The following MYBBP1A variants were observed in gnomAD, a reference collection of about 807,000 sequenced individuals.
The protein encoded by MYBBP1A is MYB binding protein 1a, also known as myb-binding protein 1A.
A neutral mutation model predicts 136.3 loss-of-function variants in MYBBP1A; 147 were observed. That is an observed-to-expected ratio of 1.08 (90% CI 0.94 to 1.24). MYBBP1A has a LOEUF of 1.24. Ranked by LOEUF, MYBBP1A falls within the 50% of genes most tolerant of loss-of-function variation. The probability of loss-of-function intolerance (pLI) is 0.00; values close to 1 mark genes in which losing one functional copy is unlikely to be tolerated. For synonymous variants in MYBBP1A, 947 were observed against 735.8 expected, an observed-to-expected ratio of 1.29 and a Z score of -4.65; for missense variants, 2,060 against 1,727.4, an observed-to-expected ratio of 1.19 and a Z score of -3.41.
intron 18 of MYBBP1A, 49 bp downstream of exon 18, chr17:4,544,702 G>A (rs1567606891): frequency 2.0e-6 from 3 of 1,504,188 alleles, no homozygotes; most frequent in African/African-American, 2.8e-5. Flanking sequence ...GGAGGCGGGG[G>A]TGGGCGCACA....
In MYBBP1A at chr17:4,539,545, A is replaced by G. The variant is rs757945492; in HGVS notation, c.3857T>C (p.Val1286Ala). 14 of 1,613,000 alleles carry G rather than the reference A, an allele frequency of 8.7e-6. No individual in the cohort carries two copies. Among genetic ancestry groups the G allele is most frequent in the Non-Finnish European group, 1.2e-5 (14 of 1,179,798 alleles). The change falls in exon 26 of 26, where the codon GTC (valine) becomes GCC (alanine). Residue 1286 changes from valine (V) to alanine (A), a missense_variant. Transcript: ENST00000254718. ...QHQKALPKKG[V>A]LGKSPLSALA... ...CGCGGACAGTGGTGATTTGCCCAAG[A>G]CCCCCTTTTTGGGAAGAGCCTTCTG...
rs771370036 is a variant in MYBBP1A at position 4,543,052 on chromosome 17, G to C, written c.2753C>G (p.Pro918Arg). ...GGCGTTGAAGTGGTAGAGGGCGGTGGGGGAGTCGGGCTGGCGGCCAGCCTG... is the reference window on the plus strand; with the variant it reads ...GGCGTTGAAGTGGTAGAGGGCGGTGCGGGAGTCGGGCTGGCGGCCAGCCTG... The part of the protein sequence containing the change: ...VQQAGRQPDS[P>R]TALYHFNASL... Residue 918 changes from proline (P) to arginine (R), a missense_variant, in exon 20 of 26, where the codon CCC becomes CGC. Transcript: ENST00000254718. 3 of 1,613,508 alleles carry C rather than the reference G, an allele frequency of 1.9e-6. No individual in the cohort carries two copies. The South Asian group carries it at 3.3e-5, about 18-fold the overall frequency.
rs749825110 is a variant in MYBBP1A, at chr17:4,552,040, C to A, written c.906-43G>T. The A allele has an allele frequency of 1.3e-6, 2 of 1,593,988 alleles. No individual in the cohort carries two copies. The stretch of plus-strand genomic sequence containing the variant: ...CAGAGCCTGGTCAGAGCCCTTGGTG[C>A]CCCTGGTGGGAACCTCAGGACTAGT... On this transcript the variant is annotated intron_variant, in intron 7 of 25. Coordinates refer to ENST00000254718, the MANE Select transcript of MYBBP1A (RefSeq NM_014520.4). The surrounding 1 kb of genome is among the most constrained non-coding windows in gnomAD (Gnocchi z 4.7).
rs184459056 is a variant in MYBBP1A, at chr17:4,543,319, T to G, written c.2640-154A>C. 1,490 of 1,048,512 alleles carry G rather than the reference T, an allele frequency of 1.4e-3. 22 individuals are homozygous for G. In the African/African-American group the frequency reaches 0.021, roughly 15 times the overall value. 65.0% of individuals were successfully genotyped at this position (1,048,512 alleles called of 1,614,324 possible). On this transcript the variant is annotated intron_variant, in intron 19 of 25. Transcript: ENST00000254718. ...CCACAGAGGAGGGCCCAGGGCCGCC[T>G]GCAGGCTGCCTGGAAGCTGTGTGGG...
chr17:4,548,292 GCTGAGGGTCTGCAACAGA>G lies in MYBBP1A; in HGVS notation c.1557_1574del (p.Leu520_Ser525del). The stretch of plus-strand genomic sequence containing the variant: ...GGCCCGGTGCCTGCTTGAACTGCGT[GCTGAGGGTCTGCAACAGA>G]CTGGGCAAGGGATGGGGCTTGGGGT... On this transcript the variant is annotated inframe_deletion and splice_region_variant, in exon 12 of 26. Coordinates refer to ENST00000254718, the MANE Select transcript of MYBBP1A (RefSeq NM_014520.4). This position sits in a 1 kb window ranked among gnomAD's most constrained non-coding sequence, Gnocchi z 4.2. The G allele has an allele frequency of 6.2e-7, 1 of 1,612,526 alleles. No individual in the cohort carries two copies. The highest frequency in any genetic ancestry group is 8.5e-7 in the Non-Finnish European group (1 of 1,179,978).
At chr17:4,546,924 TTTTC>T (rs1907067083) in intron 13 of MYBBP1A, among the ~76,000 whole-genome samples, 1 of 143,660 alleles carries the variant, frequency 7.0e-6, no homozygotes, top group Admixed American at 6.7e-5. Flanking sequence ...TTTTTTTTTT[TTTTC>T]TAAGACAGAA....
At position 4,540,374 on chromosome 17, in the gene MYBBP1A, C is replaced by A; in HGVS notation, c.3408G>T (p.Trp1136Cys). The A allele has an allele frequency of 6.2e-7, 1 of 1,609,006 alleles. No homozygotes were observed. The highest frequency in any genetic ancestry group is 1.1e-5 in the South Asian group (1 of 91,046). The change falls in exon 25 of 26, where the codon TGG (tryptophan) becomes TGT (cysteine). Residue 1136 changes from tryptophan to cysteine, a missense_variant. Trp to Cys is a radical substitution (Grantham distance 215). Transcript: ENST00000254718. ...GGACTCCCAGGGTTTTCATGGCCTG[C>A]CAGTAGAGGTCGTGCAGGCGGCTGG... ...TGSSRLHDLY[W>C]QAMKTLGVQR...
Position 4,539,583 on chromosome 17 carries a change from G to C in MYBBP1A, c.3819C>G (p.Gly1273=), listed in dbSNP as rs1290106444. ...GAAGAGCCTTCTGATGCTGCTTTTGGCCTGCAGGTTCCGTGGGGGACCCGG... is the reference window on the plus strand; with the variant it reads ...GAAGAGCCTTCTGATGCTGCTTTTGCCCTGCAGGTTCCGTGGGGGACCCGG... The part of the protein sequence containing the change: ...GAPGSPTEPA[G]QKQHQKALPK... Residue 1273 remains glycine (G), a synonymous_variant, in exon 26 of 26, where the codon GGC becomes GGG. Transcript: ENST00000254718. 6.2e-7 allele frequency: 1 copy of C among 1,614,080 alleles called. No homozygotes were observed. Among genetic ancestry groups the C allele is most frequent in the Non-Finnish European group, 8.5e-7 (1 of 1,180,018 alleles).
Position 4,545,670 on chromosome 17 carries a change from C to T in MYBBP1A, c.2013G>A (p.Arg671=). 1.2e-6 allele frequency: 2 copies of T among 1,611,516 alleles called. No individual in the cohort carries two copies. The highest frequency in any genetic ancestry group is 2.7e-5 in the African/African-American group (2 of 75,026). Residue 671 remains arginine, a synonymous_variant, in exon 15 of 26, where the codon CGG becomes CGA. Coordinates refer to ENST00000254718, the MANE Select transcript of MYBBP1A (RefSeq NM_014520.4). The stretch of plus-strand genomic sequence containing the variant: ...GGGAGCAGATGTGGCCAAACACGCT[C>T]CGGGCCACCTGGCGCATGAGGTGGC... ...QPSHLMRQVA[R]SVFGHICSHL... is the part of the protein sequence containing the mutation.
chr17:4,553,951 G>A (rs765824607), intron 4 of MYBBP1A, 34 bp from the exon 5 acceptor site: 14 of 1,613,496 alleles, frequency 8.7e-6, no homozygotes, highest in Admixed American at 6.7e-5. Context: ...GGTATGAGCA[G>A]GGCACACGAC....
intron 15 of MYBBP1A, 127 bp downstream of exon 15, chr17:4,545,483 C>A: frequency 6.7e-7 from 1 of 1,489,046 alleles, no homozygotes; most frequent in South Asian, 1.3e-5. Flanking sequence ...GCCAAGGCCT[C>A]GTTGAGACCC....
At position 4,539,813 on chromosome 17, in the gene MYBBP1A, G is replaced by A; in HGVS notation, c.3589C>T (p.Pro1197Ser). Residue 1197 changes from proline to serine, a missense_variant, in exon 26 of 26, where the codon CCT (proline) becomes TCT (serine). Physicochemically the swap from Pro to Ser is moderately conservative, Grantham distance 74. Coordinates refer to ENST00000254718, the MANE Select transcript of MYBBP1A (RefSeq NM_014520.4). Reference protein sequence around the residue: ...EDGTPAEDGTPAATGGSQPPS... With the variant: ...EDGTPAEDGTSAATGGSQPPS... ...GGCTGGCTCCCGCCGGTGGCTGCAG[G>A]TGTGCCATCCTCCGCTGGCGTGCCA... is the stretch of plus-strand genomic sequence containing the variant. The A allele has an allele frequency of 8.7e-6, 14 of 1,611,722 alleles. No individual in the cohort carries two copies. The highest frequency in any genetic ancestry group is 1.1e-5 in the Non-Finnish European group (13 of 1,180,018).
rs77584164 is a variant in MYBBP1A at position 4,540,415 on chromosome 17, C to G, written c.3367G>C (p.Ala1123Pro). 1.1e-3 allele frequency: 1,772 copies of G among 1,610,608 alleles called. 21 individuals carry two copies. In the African/African-American group the frequency reaches 0.02, roughly 18 times the overall value. ...QGQQQSLQQG[A>P]HSTGSSRLHD... is the part of the protein sequence containing the mutation. Reference sequence around the variant, plus strand: ...AGGCGGCTGGAGCCGGTGGAGTGTGCCCCCTGCTGTAGGCTCTGCTGTTGC... The same window carrying G: ...AGGCGGCTGGAGCCGGTGGAGTGTGGCCCCTGCTGTAGGCTCTGCTGTTGC... Residue 1123 changes from alanine to proline, a missense_variant, in exon 25 of 26, where the codon GCA becomes CCA. Coordinates refer to ENST00000254718, the MANE Select transcript of MYBBP1A (RefSeq NM_014520.4).
rs543423841 is a variant in MYBBP1A, at chr17:4,542,297, G to GC, written c.3087+166dup. The GC allele has an allele frequency of 6.4e-5, 50 of 777,912 alleles. No homozygotes were observed. In the Admixed American group the frequency reaches 1.2e-3, roughly 19 times the overall value. The allele number at this position is 777,912 out of a possible 1,614,324, so 48.2% of individuals were successfully genotyped here. ...ACTGTGTGGCAGGGGCCAGGGCACG[G>GC]CCACCCCCTTCAGAGACCATGTACC... On this transcript the variant is annotated intron_variant, in intron 22 of 25. Transcript: ENST00000254718.
At chr17:4,546,279 C>T (rs930003969) in intron 13 of MYBBP1A, among the ~76,000 whole-genome samples, 13 of 152,134 alleles carry the variant, frequency 8.5e-5, no homozygotes, top group Non-Finnish European at 1.5e-4. Flanking sequence ...CCACCATGCC[C>T]GGCTAATTTT....
At position 4,544,987 on chromosome 17, in the gene MYBBP1A, CCCTCCCCGGCCGCCCCCCCCTCCA is replaced by C; in HGVS notation, c.2310+15_2310+38del. ...GGCACACAACATGGGGACACCCGAG[CCCTCCCCGGCCGCCCCCCCCTCCA>C]CCTCCCCCACTCACCAGCGCCTTCC... On this transcript the variant is annotated intron_variant, in intron 17 of 25. Coordinates refer to ENST00000254718, the MANE Select transcript of MYBBP1A (RefSeq NM_014520.4). The C allele has an allele frequency of 7.1e-7, 1 of 1,400,966 alleles. No homozygotes were observed. The highest frequency in any genetic ancestry group is 9.6e-7 in the Non-Finnish European group (1 of 1,044,888). The allele number at this position is 1,400,966 out of a possible 1,614,324, so 86.8% of individuals were successfully genotyped here.
At position 4,543,539 on chromosome 17, in the gene MYBBP1A, G is replaced by C. The variant is rs555486961; in HGVS notation, c.2640-374C>G. ...GCTTAGAACCCTCTGTGGCCCTGCA[G>C]GGCCGGGGATATAATGGGGGCAAGA... On this transcript the variant is annotated intron_variant, in intron 19 of 25. Transcript: ENST00000254718. 5.9e-5 allele frequency among the ~76,000 whole-genome samples: 9 copies of C among 152,196 alleles called. No individual in the cohort carries two copies. In the East Asian group the frequency reaches 7.8e-4, roughly 13 times the overall value.
At position 4,552,627 on chromosome 17, in the gene MYBBP1A, C is replaced by T; in HGVS notation, c.562-1G>A. The T allele has an allele frequency of 6.2e-7, 1 of 1,611,972 alleles. No individual in the cohort carries two copies. The highest frequency in any genetic ancestry group is 8.5e-7 in the Non-Finnish European group (1 of 1,178,764). On this transcript the variant is annotated splice_acceptor_variant, in intron 5 of 25. Coordinates refer to ENST00000254718, the MANE Select transcript of MYBBP1A (RefSeq NM_014520.4). LOFTEE classifies it high-confidence loss of function. This position sits in a 1 kb window ranked among gnomAD's most constrained non-coding sequence, Gnocchi z 4.7. ...TCTCCTGCAATGTGGCCTTCGAGAC[C>T]TAAGGATGGAGGGAGAAGAAATCGT... is the stretch of plus-strand genomic sequence containing the variant.
At position 4,539,419 on chromosome 17, in the gene MYBBP1A, G is replaced by A. The variant is rs200285774; in HGVS notation, c.3983C>T (p.Pro1328Leu). ...GAGGGGGGCCCGTACCTGTGCTCAG[G>A]GCTTCCCTGCCTTCCTCACCTGTGC... ...KKAQVRKAGK[P>L] The change falls in exon 26 of 26, where the codon CCC becomes CTC. Residue 1328 changes from proline to leucine, a missense_variant. Coordinates refer to ENST00000254718, the MANE Select transcript of MYBBP1A (RefSeq NM_014520.4). 1.9e-6 allele frequency: 3 copies of A among 1,609,388 alleles called. No individual in the cohort carries two copies. The Admixed American group carries it at 5.0e-5, about 27-fold the overall frequency.
Sources: gnomAD v4.1 joint callset for allele counts (sites outside exome capture counted in the v4.1 genomes callset) on GRCh38, gnomAD v4.1.1 for gene constraint, Gnocchi (gnomAD v3.1) non-coding constraint, MANE v1.5 for transcripts, NCBI Gene and HGNC (gene_info 2026-07-23, HGNC 2026-07-21) for gene names.